DNM3: variants seen among roughly 807,000 people sequenced by gnomAD.
DNM3 encodes dynamin 3.
Under a neutral mutation model 101.6 loss-of-function variants are expected in DNM3, and 47 were observed. That is an observed-to-expected ratio of 0.46 (90% CI 0.37 to 0.59). The LOEUF (loss-of-function observed/expected upper bound fraction) is 0.59. Ranked by LOEUF, DNM3 falls within the 20% of genes least tolerant of loss-of-function variation. The pLI is 0.00. For synonymous variants in DNM3, 385 were observed against 387.9 expected (o/e 0.99, Z 0.09); for missense variants, 849 against 1,085.7 (o/e 0.78, Z 3.06).
chr1:172,211,621 G>A (rs1241653843), intron 14 of DNM3, among the ~76,000 whole-genome samples: 1 of 152,056 alleles, frequency 6.6e-6, no homozygotes, highest in Non-Finnish European at 1.5e-5. Flanking sequence ...GACTGAATGT[G>A]ACTGGAGAAA....
intron 8 of DNM3, 40 bp from the exon 9 acceptor site, chr1:172,044,345 G>C: frequency 6.6e-7 from 1 of 1,521,948 alleles, no homozygotes; most frequent in Non-Finnish European, 9.0e-7. Flanking sequence ...TTATTCAAAG[G>C]AATTAAGTGT....
intron 14 of DNM3, among the ~76,000 whole-genome samples, chr1:172,180,287 G>A (rs2059299362): frequency 1.3e-5 from 2 of 152,064 alleles, no homozygotes; most frequent in Admixed American, 1.3e-4. Context: ...ACACTTGTTT[G>A]TTCTTTATGG....
chr1:172,378,996 G>C lies in DNM3; in HGVS notation c.1894-22G>C, dbSNP rs535560274. 5.6e-6 allele frequency: 9 copies of C among 1,602,696 alleles called. No individual in the cohort carries two copies. The South Asian group carries it at 7.8e-5, about 14-fold the overall frequency. ...TCTGAGTGAATATGAGATAATCCAT[G>C]GTTTGTTTTCTCTTCTTTTAGGCTG... On this transcript the variant is annotated intron_variant, in intron 17 of 20. Transcript: ENST00000627582.
chr1:172,323,724 A>G (rs570427162), intron 17 of DNM3, among the ~76,000 whole-genome samples: 1 of 152,336 alleles, frequency 6.6e-6, no homozygotes, highest in Admixed American at 6.5e-5. Flanking sequence ...CAAACCTCTT[A>G]TGTTAATGTG....
intron 4 of DNM3, among the ~76,000 whole-genome samples, chr1:172,021,510 AGAGTTAAAG>A (rs2047853105): frequency 6.6e-6 from 1 of 152,224 alleles, no homozygotes; most frequent in Non-Finnish European, 1.5e-5. Flanking sequence ...AAGTCTTTTG[AGAGTTAAAG>A]GGGGTTATTT....
chr1:171,845,274 G>A (rs1571213728), intron 1 of DNM3, among the ~76,000 whole-genome samples: 2 of 152,148 alleles, frequency 1.3e-5, no homozygotes, highest in Non-Finnish European at 2.9e-5. Flanking sequence ...AGCTGGCCAG[G>A]CACAGTACTC....
chr1:172,266,999 G>A (rs539637835), intron 15 of DNM3, among the ~76,000 whole-genome samples: 1 of 152,300 alleles, frequency 6.6e-6, no homozygotes, highest in South Asian at 2.1e-4. Context: ...AAACACAAGT[G>A]AACTGGTGGC....
chr1:172,092,944 T>C, intron 13 of DNM3, 69 bp downstream of exon 13: 1 of 1,390,704 alleles, frequency 7.2e-7, no homozygotes, highest in Non-Finnish European at 9.8e-7. Flanking sequence ...CTTGATTGAC[T>C]ATTTTTTTAA....
chr1:172,332,714 G>C (rs2066243249), intron 17 of DNM3, among the ~76,000 whole-genome samples: 1 of 152,154 alleles, frequency 6.6e-6, no homozygotes, highest in South Asian at 2.1e-4. Context: ...TCACACACTG[G>C]CTATTAATGC....
intron 10 of DNM3, among the ~76,000 whole-genome samples, chr1:172,051,854 T>C (rs768252210): frequency 1.4e-4 from 21 of 152,214 alleles, no homozygotes; most frequent in Non-Finnish European, 2.9e-4. Flanking sequence ...TTGCCACCTG[T>C]TGAAACTCCA....
intron 1 of DNM3, among the ~76,000 whole-genome samples, chr1:171,898,459 A>G (rs2038003336): frequency 6.6e-6 from 1 of 152,118 alleles, no homozygotes; most frequent in South Asian, 2.1e-4. Flanking sequence ...AGATTTAGAG[A>G]TTTATAAAAT....
At chr1:172,115,903 T>G (rs1187889781) in intron 13 of DNM3, among the ~76,000 whole-genome samples, 2 of 152,224 alleles carry the variant, frequency 1.3e-5, no homozygotes, top group Non-Finnish European at 2.9e-5. Flanking sequence ...TATTGTCTAT[T>G]GCTGAACTCT....
chr1:172,211,280 C>T (rs191134488), intron 14 of DNM3, among the ~76,000 whole-genome samples: 3 of 152,158 alleles, frequency 2.0e-5, no homozygotes, highest in African/African-American at 7.2e-5. Flanking sequence ...TTTCCATAAC[C>T]TAGGTAACTC....
intron 17 of DNM3, among the ~76,000 whole-genome samples, chr1:172,332,022 G>A (rs2066209199): frequency 6.6e-6 from 1 of 151,906 alleles, no homozygotes; most frequent in African/African-American, 2.4e-5. Flanking sequence ...GAAAAAATGA[G>A]AGAAAGGGCA....
intron 1 of DNM3, among the ~76,000 whole-genome samples, chr1:171,881,417 G>A (rs2036257160): frequency 6.6e-6 from 1 of 152,152 alleles, no homozygotes; most frequent in South Asian, 2.1e-4. Flanking sequence ...ATTTAATTAT[G>A]AAAATTCTCC....
chr1:172,041,577 G>A (rs567710891), intron 7 of DNM3, among the ~76,000 whole-genome samples: 26 of 152,226 alleles, frequency 1.7e-4, no homozygotes, highest in African/African-American at 5.3e-4. Context: ...AGATCACCTA[G>A]GGATGAATGT....
intron 14 of DNM3, among the ~76,000 whole-genome samples, chr1:172,201,517 G>C (rs2060150981): frequency 6.6e-6 from 1 of 152,218 alleles, no homozygotes; most frequent in Admixed American, 6.5e-5. Flanking sequence ...CCAGAATAGA[G>C]GGTCTGTGCT....
intron 1 of DNM3, among the ~76,000 whole-genome samples, chr1:171,878,032 C>G (rs1416855462): frequency 1.3e-5 from 2 of 152,010 alleles, no homozygotes; most frequent in Non-Finnish European, 2.9e-5. Context: ...TCATTGTGGC[C>G]TATCATGCTA....
chr1:172,149,000 G>A (rs1423692305), intron 14 of DNM3, among the ~76,000 whole-genome samples: 1 of 152,136 alleles, frequency 6.6e-6, no homozygotes, highest in Non-Finnish European at 1.5e-5. Context: ...AGAGGAGTAA[G>A]AGATTTTCCT....
Sources: allele counts gnomAD v4.1 joint callset (sites outside exome capture counted in the v4.1 genomes callset), GRCh38; gene constraint gnomAD v4.1.1; transcripts MANE v1.5; gene names NCBI Gene and HGNC (gene_info 2026-07-23, HGNC 2026-07-21).